The following EEFSEC variants were observed in gnomAD, a reference collection of about 807,000 sequenced individuals.
EEFSEC encodes selenocysteine-specific elongation factor.
A neutral mutation model predicts 42.1 loss-of-function variants in EEFSEC; 43 were observed. The ratio of observed to expected loss-of-function variants is 1.02; its 90% CI spans 0.80 to 1.32. The LOEUF is 1.32. Ranked by LOEUF, EEFSEC falls within the 40% of genes most tolerant of loss-of-function variation. EEFSEC has a pLI of 0.00. For synonymous variants in EEFSEC, 354 were observed against 339.1 expected (o/e 1.04, Z -0.48); for missense variants, 745 against 803.6 (o/e 0.93, Z 0.88).
intron 6 of EEFSEC, among the ~76,000 whole-genome samples, chr3:128,385,280 C>G (rs926753873): frequency 2.0e-5 from 3 of 152,180 alleles, no homozygotes; most frequent in African/African-American, 7.2e-5. Context: ...AGGCAGGCAG[C>G]GCAGGAGAGT....
At chr3:128,348,281 T>TGTGTGC (rs2067340493) in intron 5 of EEFSEC, among the ~76,000 whole-genome samples, 1 of 150,858 alleles carries the variant, frequency 6.6e-6, no homozygotes, top group African/African-American at 2.4e-5. Context: ...CGTGTGCGTG[T>TGTGTGC]GTGTGTGTGT....
At chr3:128,337,337 C>T (rs2108069134) in intron 4 of EEFSEC, among the ~76,000 whole-genome samples, 1 of 152,256 alleles carries the variant, frequency 6.6e-6, no homozygotes, top group South Asian at 2.1e-4. Flanking sequence ...CTTCATGGTG[C>T]CCTGGTAAGG....
At chr3:128,294,714 T>C (rs1298794767) in intron 4 of EEFSEC, among the ~76,000 whole-genome samples, 1 of 152,024 alleles carries the variant, frequency 6.6e-6, no homozygotes, top group Non-Finnish European at 1.5e-5. Context: ...AAGAAAGAAA[T>C]AGGTTTACTA....
At chr3:128,329,708 C>T (rs2067105370) in intron 4 of EEFSEC, among the ~76,000 whole-genome samples, 1 of 152,182 alleles carries the variant, frequency 6.6e-6, no homozygotes, top group Non-Finnish European at 1.5e-5. Flanking sequence ...CTGAGGAGTG[C>T]TCAGGAGCCA....
At chr3:128,253,055 T>C (rs559104440) in intron 2 of EEFSEC, among the ~76,000 whole-genome samples, 1 of 152,198 alleles carries the variant, frequency 6.6e-6, no homozygotes, top group Non-Finnish European at 1.5e-5. Flanking sequence ...TGCCCTAATG[T>C]GTAGCATGTT....
chr3:128,229,313 C>T (rs1442550730), intron 1 of EEFSEC, among the ~76,000 whole-genome samples: 3 of 152,196 alleles, frequency 2.0e-5, no homozygotes, highest in Admixed American at 6.5e-5. Context: ...GGCTAGAGAG[C>T]GAAGTGCTCT....
At chr3:128,349,638 C>T (rs1011873314) in intron 5 of EEFSEC, among the ~76,000 whole-genome samples, 6 of 152,210 alleles carry the variant, frequency 3.9e-5, no homozygotes, top group Non-Finnish European at 7.3e-5. Context: ...TCATGGGTCT[C>T]ACCATAGCCC....
chr3:128,205,772 C>G (rs151330467), intron 1 of EEFSEC, among the ~76,000 whole-genome samples: 6 of 152,256 alleles, frequency 3.9e-5, no homozygotes, highest in Admixed American at 1.3e-4. Flanking sequence ...CTTTGTGTGA[C>G]TGGGATAGTT....
chr3:128,160,219 TG>T (rs1314965096), intron 1 of EEFSEC, among the ~76,000 whole-genome samples: 1 of 152,250 alleles, frequency 6.6e-6, no homozygotes, highest in Non-Finnish European at 1.5e-5. Context: ...CGGAAGACAC[TG>T]CTGTGTACAA....
At chr3:128,346,406 TG>T (rs1313864093) in intron 5 of EEFSEC, among the ~76,000 whole-genome samples, 1 of 152,270 alleles carries the variant, frequency 6.6e-6, no homozygotes, top group African/African-American at 2.4e-5. Context: ...GTGTCTGCTA[TG>T]ATGAAATATA....
the EEFSEC span, among the ~76,000 whole-genome samples, chr3:128,422,938 C>T: frequency 0.015 from 2,210 of 152,346 alleles, 24 homozygotes; most frequent in Middle Eastern, 0.048. Flanking sequence ...ACTAGCCCTC[C>T]CAGAGGTCAT....
intron 4 of EEFSEC, among the ~76,000 whole-genome samples, chr3:128,286,858 T>TATCTGC (rs1487472355): frequency 5.3e-5 from 8 of 152,250 alleles, no homozygotes; most frequent in Non-Finnish European, 1.2e-4. Context: ...GGCATCTACC[T>TATCTGC]ATCTGCATTT....
At chr3:128,156,129 T>C (rs181633502) in intron 1 of EEFSEC, among the ~76,000 whole-genome samples, 15 of 152,260 alleles carry the variant, frequency 9.9e-5, no homozygotes, top group Admixed American at 4.6e-4. Flanking sequence ...ACTTTTGGAG[T>C]CAGACAAAAC....
chr3:128,153,570 G>A lies in EEFSEC; in HGVS notation c.63G>A (p.Thr21=), dbSNP rs780676133. The A allele has an allele frequency of 1.1e-5, 17 of 1,542,866 alleles. No individual in the cohort carries two copies. In the Admixed American group the frequency reaches 3.1e-4, roughly 28 times the overall value. ...GVLGHIDSGK[T]ALARALSTTA... is the part of the protein sequence containing the mutation. ...TGGGCCACATCGACAGCGGCAAGAC[G>A]GCGCTGGCGCGGGCGCTAAGCACCA... The change falls in exon 1 of 7, where the codon ACG becomes ACA. Residue 21 remains threonine, a synonymous_variant. Transcript: ENST00000254730.
intron 1 of EEFSEC, among the ~76,000 whole-genome samples, chr3:128,167,815 T>C (rs775134540): frequency 6.6e-6 from 1 of 152,206 alleles, no homozygotes; most frequent in Non-Finnish European, 1.5e-5. Context: ...AGATCGTATA[T>C]TTTCCTTTCT....
chr3:128,238,104 C>G (rs2066032010), intron 1 of EEFSEC, among the ~76,000 whole-genome samples: 1 of 152,156 alleles, frequency 6.6e-6, no homozygotes, highest in African/African-American at 2.4e-5. Flanking sequence ...AATGGGAGGT[C>G]TCCTCTTCCA....
At chr3:128,360,543 C>A (rs545662925) in intron 6 of EEFSEC, among the ~76,000 whole-genome samples, 1 of 152,216 alleles carries the variant, frequency 6.6e-6, no homozygotes, top group Non-Finnish European at 1.5e-5. Flanking sequence ...CTCCCCTGAG[C>A]TCCCTTCCTG....
chr3:128,287,375 TC>T (rs2066597145), intron 4 of EEFSEC, among the ~76,000 whole-genome samples: 1 of 151,540 alleles, frequency 6.6e-6, no homozygotes, highest in African/African-American at 2.4e-5. Flanking sequence ...GGAAGTGGAG[TC>T]CCAGCATGAC....
intron 1 of EEFSEC, among the ~76,000 whole-genome samples, chr3:128,235,974 G>A (rs766266824): frequency 2.5e-4 from 38 of 151,888 alleles, no homozygotes; most frequent in Non-Finnish European, 5.3e-4. Context: ...TTGTTTGTTT[G>A]TTTGTTTTCA....
Sources: allele counts gnomAD v4.1 joint callset (sites outside exome capture counted in the v4.1 genomes callset), GRCh38; gene constraint gnomAD v4.1.1; transcripts MANE v1.5; gene names NCBI Gene and HGNC (gene_info 2026-07-23, HGNC 2026-07-21).